The following FLVCR2 variants were observed in gnomAD, a reference collection of about 807,000 sequenced individuals.
FLVCR2 encodes the protein FLVCR choline and putative heme transporter 2, also known as choline/ethanolamine transporter FLVCR2.
Under a neutral mutation model 48.9 loss-of-function variants are expected in FLVCR2, and 38 were observed. The ratio of observed to expected loss-of-function variants is 0.78; its 90% CI spans 0.60 to 1.02. The LOEUF is 1.02. FLVCR2 is among the 50% of genes least tolerant of loss of function. FLVCR2 has a pLI of 0.00. For synonymous variants in FLVCR2, 255 were observed against 257.0 expected, an observed-to-expected ratio of 0.99 and a Z score of 0.07; for missense variants, 664 against 663.3, an observed-to-expected ratio of 1.00 and a Z score of -0.01.
chr14:75,587,411 A>G (rs1307386738), intron 1 of FLVCR2, among the ~76,000 whole-genome samples: 2 of 151,854 alleles, frequency 1.3e-5, no homozygotes, highest in South Asian at 2.1e-4. Context: ...AGTTTTGTTT[A>G]GAGTTTGAGG....
At chr14:75,584,124 G>C (rs898457178) in intron 1 of FLVCR2, among the ~76,000 whole-genome samples, 2 of 152,218 alleles carry the variant, frequency 1.3e-5, no homozygotes, top group African/African-American at 4.8e-5. Context: ...CAGTGGCCAG[G>C]CTTCTGGCAT....
At chr14:75,619,477 TCATCCATCCATC>T (rs34627368) in intron 1 of FLVCR2, among the ~76,000 whole-genome samples, 11,961 of 150,842 alleles carry the variant, frequency 0.079, 579 homozygotes, top group African/African-American at 0.13. Context: ...GTTCATCTGC[TCATCCATCCATC>T]CATCCATCCA....
intron 6 of FLVCR2, 72 bp downstream of exon 6, chr14:75,639,534 A>C: frequency 2.8e-6 from 3 of 1,065,696 alleles, no homozygotes; most frequent in Non-Finnish European, 4.4e-6. Flanking sequence ...GCATCCTAGA[A>C]TGCAATATTG....
intron 6 of FLVCR2, among the ~76,000 whole-genome samples, chr14:75,640,108 A>G (rs1890272110): frequency 6.6e-6 from 1 of 152,000 alleles, no homozygotes; most frequent in Non-Finnish European, 1.5e-5. Context: ...AAAATACAAA[A>G]ATCAGCCAGG....
chr14:75,619,221 G>A (rs993010776), intron 1 of FLVCR2, among the ~76,000 whole-genome samples: 7 of 152,018 alleles, frequency 4.6e-5, no homozygotes, highest in South Asian at 2.1e-4. Context: ...GTGAGACCCC[G>A]TCTCAGAAAA....
chr14:75,645,650 G>T (rs1000968495), intron 9 of FLVCR2, among the ~76,000 whole-genome samples: 3 of 152,156 alleles, frequency 2.0e-5, no homozygotes, highest in African/African-American at 7.2e-5. Context: ...GGGCGCGGTG[G>T]GTCACGCCTG....
rs144237888 is a variant in FLVCR2 at position 75,631,692 on chromosome 14, C to T, written c.953-1937C>T. 2.0e-3 allele frequency: 906 copies of T among 448,548 alleles called. 3 individuals carry two copies. Among genetic ancestry groups the T allele is most frequent in the Middle Eastern group, 5.9e-3 (14 of 2,390 alleles). The allele number at this position is 448,548 out of a possible 1,614,324, so 27.8% of individuals were successfully genotyped here. On this transcript the variant is annotated intron_variant, in intron 3 of 9. Coordinates refer to ENST00000238667, the MANE Select transcript of FLVCR2 (RefSeq NM_017791.3). The stretch of plus-strand genomic sequence containing the variant: ...GGCAGGCAAGAGGCTTAGAGAGGAG[C>T]GGGAGGAATGAATGGGAAGACGGGA...
chr14:75,631,944 G>C (rs1248985057), intron 3 of FLVCR2: 6 of 429,950 alleles, frequency 1.4e-5, no homozygotes, highest in Non-Finnish European at 2.8e-5. Context: ...TGTCTGGGTT[G>C]GTTGGCCCAC....
At chr14:75,632,609 A>G in intron 3 of FLVCR2, 2 of 702,288 alleles carry the variant, frequency 2.8e-6, no homozygotes, top group East Asian at 2.7e-5. Context: ...CTGGGGTTCT[A>G]TGGATTGGTT....
chr14:75,625,875 A>C (rs1241618771), intron 3 of FLVCR2, among the ~76,000 whole-genome samples: 2 of 152,070 alleles, frequency 1.3e-5, no homozygotes, highest in Non-Finnish European at 2.9e-5. Flanking sequence ...CCTATTTAAC[A>C]GATGAGGAAA....
intron 1 of FLVCR2, among the ~76,000 whole-genome samples, chr14:75,608,388 A>T (rs780095508): frequency 3.3e-5 from 5 of 152,198 alleles, no homozygotes; most frequent in Admixed American, 6.5e-5. Flanking sequence ...TTTTCATTCC[A>T]GGAAACTGAC....
At chr14:75,607,450 A>G (rs536432618) in intron 1 of FLVCR2, among the ~76,000 whole-genome samples, 1 of 152,352 alleles carries the variant, frequency 6.6e-6, no homozygotes, top group East Asian at 1.9e-4. Flanking sequence ...TGAGTCTCAG[A>G]CCATGTCTTC....
rs540642209 is a variant in FLVCR2 at position 75,637,481 on chromosome 14, C to T, written c.1125-1871C>T. ...GTGGCTCACGCCTGTAATCCCAGCA[C>T]TTTGGGAGGCGGAGGCGGGCAGATC... On this transcript the variant is annotated intron_variant, in intron 5 of 9. Coordinates refer to ENST00000238667, the MANE Select transcript of FLVCR2 (RefSeq NM_017791.3). Among the ~76,000 whole-genome samples, 15 of 152,250 alleles carry T rather than the reference C, an allele frequency of 9.9e-5. No individual in the cohort carries two copies. In the East Asian group the frequency reaches 2.7e-3, roughly 27 times the overall value.
chr14:75,633,598 CTAA>C (rs766648145), intron 3 of FLVCR2, 28 bp from the exon 4 acceptor site: 3 of 1,587,410 alleles, frequency 1.9e-6, no homozygotes, highest in Admixed American at 1.7e-5. Flanking sequence ...AAAGCTGACC[CTAA>C]TGTTGTATTT....
At chr14:75,608,969 C>T (rs1169479299) in intron 1 of FLVCR2, among the ~76,000 whole-genome samples, 2 of 152,296 alleles carry the variant, frequency 1.3e-5, no homozygotes, top group East Asian at 1.9e-4. Flanking sequence ...TCCTGAATTG[C>T]ATCCCCTCCA....
rs1318427143 is a variant in FLVCR2 at position 75,578,844 on chromosome 14, C to G, written c.-129C>G. The G allele has an allele frequency of 8.2e-6, 7 of 853,800 alleles. No homozygotes were observed. Among genetic ancestry groups the G allele is most frequent in the Admixed American group, 8.2e-5 (4 of 48,948 alleles). The allele number at this position is 853,800 out of a possible 1,614,324, so 52.9% of individuals were successfully genotyped here. A position where few individuals can be genotyped will look rare whatever the true frequency, so the allele number is the denominator to read the frequency against. On this transcript the variant is annotated 5_prime_UTR_variant, in exon 1 of 10. Transcript: ENST00000238667. ...AGCCCCACTTGAGGCTTTTACGCAG[C>G]CTCTAGTCTCTGTTTCTTCTGGAAT...
intron 8 of FLVCR2, among the ~76,000 whole-genome samples, chr14:75,641,625 G>A (rs1295888419): frequency 6.6e-6 from 1 of 152,186 alleles, no homozygotes; most frequent in African/African-American, 2.4e-5. Flanking sequence ...TGATCCATAA[G>A]TGAAGGCCAC....
intron 3 of FLVCR2, among the ~76,000 whole-genome samples, chr14:75,629,122 A>G (rs887346641): frequency 6.6e-6 from 1 of 152,178 alleles, no homozygotes; most frequent in African/African-American, 2.4e-5. Flanking sequence ...CGAGGGTCCA[A>G]GTGTTGCTGG....
Position 75,646,468 on chromosome 14 carries a change from T to C in FLVCR2, c.1577T>C (p.Leu526Pro), listed in dbSNP as rs776908164. Reference sequence around the variant, plus strand: ...CCCACTGCTGTGTCAGAGGATCATCTCTGAGAGGAAGGTGGTGACAACTCA... The same window carrying C: ...CCCACTGCTGTGTCAGAGGATCATCCCTGAGAGGAAGGTGGTGACAACTCA... ...KVPTAVSEDH[L>P] Residue 526 changes from leucine (L) to proline (P), a missense_variant, in exon 10 of 10, where the codon CTC becomes CCC. Transcript: ENST00000238667. 1.9e-6 allele frequency: 3 copies of C among 1,611,874 alleles called. No individual in the cohort carries two copies. In the South Asian group the frequency reaches 3.3e-5, roughly 18 times the overall value.
Sources: allele counts gnomAD v4.1 joint callset (sites outside exome capture counted in the v4.1 genomes callset), GRCh38; gene constraint gnomAD v4.1.1; transcripts MANE v1.5; gene names NCBI Gene and HGNC (gene_info 2026-07-23, HGNC 2026-07-21).